The following OSBPL3 variants were observed in gnomAD, a reference collection of about 807,000 sequenced individuals.
OSBPL3 encodes the protein oxysterol-binding protein-related protein 3.
Under a neutral mutation model 120.1 loss-of-function variants are expected in OSBPL3, and 65 were observed. The ratio of observed to expected loss-of-function variants is 0.54; its 90% confidence interval spans 0.44 to 0.67. The LOEUF (loss-of-function observed/expected upper bound fraction) is 0.67. OSBPL3 is among the 30% of genes least tolerant of loss of function. OSBPL3 has a pLI of 0.00. For synonymous variants in OSBPL3, 416 were observed against 402.6 expected (o/e 1.03, Z -0.40); for missense variants, 1,004 against 1,082.1 (o/e 0.93, Z 1.01).
rs1799775098 is a variant in OSBPL3 at position 24,855,832 on chromosome 7, C to T, written c.1028-3198G>A. ...GAAGATTCAAATGAGTGCATCACAT[C>T]TATGGTTACCTGACAATAAATAAAG... On this transcript the variant is annotated intron_variant, in intron 10 of 22. Coordinates refer to ENST00000313367, the MANE Select transcript of OSBPL3 (RefSeq NM_015550.4). The surrounding 1 kb of genome is among the most constrained non-coding windows in gnomAD (Gnocchi z 4.3). 6.6e-6 allele frequency among the ~76,000 whole-genome samples: 1 copy of T among 152,178 alleles called. No homozygotes were observed. Among genetic ancestry groups the T allele is most frequent in the African/African-American group, 2.4e-5 (1 of 41,450 alleles).
chr7:24,978,275 T>C (rs1239409619), intron 1 of OSBPL3, among the ~76,000 whole-genome samples: 1 of 152,224 alleles, frequency 6.6e-6, no homozygotes, highest in Non-Finnish European at 1.5e-5. Context: ...AAAATCAAAA[T>C]CAGCTATGAA....
chr7:24,967,988 C>T lies in OSBPL3; in HGVS notation c.-150+11898G>A, dbSNP rs1584757375. 6.6e-6 allele frequency among the ~76,000 whole-genome samples: 1 copy of T among 152,224 alleles called. No individual in the cohort carries two copies. The highest frequency in any genetic ancestry group is 2.1e-4 in the South Asian group (1 of 4,830). On this transcript the variant is annotated intron_variant, in intron 1 of 22. Coordinates refer to ENST00000313367, the MANE Select transcript of OSBPL3 (RefSeq NM_015550.4). The surrounding 1 kb of genome is among the most constrained non-coding windows in gnomAD (Gnocchi z 5.6). ...AATGGCACCATAAATAACACAGTCACATACGCCTGAAACTCTGCAGTTACT... is the reference window on the plus strand; with the variant it reads ...AATGGCACCATAAATAACACAGTCATATACGCCTGAAACTCTGCAGTTACT...
chr7:24,924,351 T>C (rs752119234), intron 1 of OSBPL3, among the ~76,000 whole-genome samples: 2 of 152,202 alleles, frequency 1.3e-5, no homozygotes, highest in Non-Finnish European at 2.9e-5. Flanking sequence ...TCTCTGTATT[T>C]TCAACATTTT....
chr7:24,980,144 G>A lies in OSBPL3; in HGVS notation c.-408C>T, dbSNP rs989093903. 13 of 675,794 alleles carry A rather than the reference G, an allele frequency of 1.9e-5. No homozygotes were observed. In the African/African-American group the frequency reaches 2.5e-4, roughly 13 times the overall value. The allele number at this position is 675,794 out of a possible 1,614,324, so 41.9% of individuals were successfully genotyped here. A position where few individuals can be genotyped will look rare whatever the true frequency, so the allele number is the denominator to read the frequency against. ...GCCGGCTGGCGGGCGCCACCAGCAC[G>A]CGGCCAGTTCTGAGTACTTTGCCCA... On this transcript the variant is annotated 5_prime_UTR_variant, in exon 1 of 23. Coordinates refer to ENST00000313367, the MANE Select transcript of OSBPL3 (RefSeq NM_015550.4).
chr7:24,812,723 T>G (rs1172211111), intron 19 of OSBPL3, among the ~76,000 whole-genome samples: 1 of 152,192 alleles, frequency 6.6e-6, no homozygotes, highest in Non-Finnish European at 1.5e-5. Flanking sequence ...GGTCAGATTC[T>G]GGTAGTTCAG....
intron 2 of OSBPL3, among the ~76,000 whole-genome samples, chr7:24,880,978 C>T (rs1296757029): frequency 1.3e-5 from 2 of 152,224 alleles, no homozygotes; most frequent in Non-Finnish European, 2.9e-5. Flanking sequence ...AAGAGAATCA[C>T]AGACTCTGCA....
rs377448047 is a variant in OSBPL3, at chr7:24,916,926, C to CCG, written c.-149-24306_-149-24305insCG. Among the ~76,000 whole-genome samples, 1 of 151,648 alleles carries CCG rather than the reference C, an allele frequency of 6.6e-6. No homozygotes were observed. The highest frequency in any genetic ancestry group is 2.1e-4 in the South Asian group (1 of 4,788). On this transcript the variant is annotated intron_variant, in intron 1 of 22. Coordinates refer to ENST00000313367, the MANE Select transcript of OSBPL3 (RefSeq NM_015550.4). The surrounding 1 kb of genome is among the most constrained non-coding windows in gnomAD (Gnocchi z 4.9). ...AGACGTCTTCCATTTCCACCCCCCC[C>CCG]AACCTTTTTAGAAAATTAAATAAAT...
At chr7:24,814,284 G>C (rs1051108717) in intron 19 of OSBPL3, among the ~76,000 whole-genome samples, 1 of 60,062 alleles carries the variant, frequency 1.7e-5, no homozygotes, top group Non-Finnish European at 2.6e-5. Flanking sequence ...GAACGAGGTG[G>C]CGTGTGTGTA....
At chr7:24,878,551 AAT>A (rs1803180826) in intron 2 of OSBPL3, among the ~76,000 whole-genome samples, 1 of 152,186 alleles carries the variant, frequency 6.6e-6, no homozygotes, top group South Asian at 2.1e-4. Context: ...AATACTTGTC[AAT>A]AGATTTTCAA....
intron 12 of OSBPL3, among the ~76,000 whole-genome samples, chr7:24,843,813 CA>C: frequency 6.6e-6 from 1 of 152,272 alleles, no homozygotes; most frequent in Non-Finnish European, 1.5e-5. Context: ...TCTCTCTCCT[CA>C]AAAGAGCCAG....
At position 24,842,509 on chromosome 7, in the gene OSBPL3, G is replaced by A; in HGVS notation, c.1267-96C>T. ...AGTTGTACAATACACAAGGTCACAG[G>A]CCCATGCAAATAAGCAACTCAAAGC... is the stretch of plus-strand genomic sequence containing the variant. On this transcript the variant is annotated intron_variant, in intron 12 of 22. Coordinates refer to ENST00000313367, the MANE Select transcript of OSBPL3 (RefSeq NM_015550.4). The A allele has an allele frequency of 4.3e-6, 4 of 934,860 alleles. No individual in the cohort carries two copies. In the South Asian group the frequency reaches 6.6e-5, roughly 15 times the overall value. 57.9% of individuals were successfully genotyped at this position (934,860 alleles called of 1,614,324 possible). A position where few individuals can be genotyped will look rare whatever the true frequency, so the allele number is the denominator to read the frequency against.
rs190956314 is a variant in OSBPL3 at position 24,940,876 on chromosome 7, C to G, written c.-150+39010G>C. On this transcript the variant is annotated intron_variant, in intron 1 of 22. Transcript: ENST00000313367. The surrounding 1 kb of genome is among the most constrained non-coding windows in gnomAD (Gnocchi z 4.4). The stretch of plus-strand genomic sequence containing the variant: ...GCTCTGTCGCCCAGGCTGGAGTGCA[C>G]TGGCGCGATCTCGGCTCACTGCAAG... 9.7e-3 allele frequency among the ~76,000 whole-genome samples: 1,464 copies of G among 151,148 alleles called. 27 individuals are homozygous for G. The highest frequency in any genetic ancestry group is 0.032 in the African/African-American group (1,330 of 41,114).
intron 14 of OSBPL3, among the ~76,000 whole-genome samples, chr7:24,840,436 T>G (rs2128198744): frequency 6.6e-6 from 1 of 152,296 alleles, no homozygotes; most frequent in East Asian, 1.9e-4. Context: ...TCTAATGATT[T>G]TTTTAATAAA....
rs571920948 is a variant in OSBPL3 at position 24,917,733 on chromosome 7, T to C, written c.-149-25112A>G. Among the ~76,000 whole-genome samples the C allele has an allele frequency of 1.8e-4, 28 of 152,232 alleles. No homozygotes were observed. In the South Asian group the frequency reaches 5.8e-3, roughly 32 times the overall value. The stretch of plus-strand genomic sequence containing the variant: ...AGTACTAGTCCCAGAAGGCTCTCTG[T>C]GGGCTAGGGGGAGACTCCAGAGACT... On this transcript the variant is annotated intron_variant, in intron 1 of 22. Coordinates refer to ENST00000313367, the MANE Select transcript of OSBPL3 (RefSeq NM_015550.4).
chr7:24,857,968 G>A (rs1176308041), intron 10 of OSBPL3, among the ~76,000 whole-genome samples: 4 of 152,102 alleles, frequency 2.6e-5, no homozygotes, highest in Non-Finnish European at 5.9e-5. Context: ...CATATTTTGG[G>A]AAATGTAAAA....
Position 24,862,320 on chromosome 7 carries a change from A to G in OSBPL3, c.871-551T>C, listed in dbSNP as rs993407079. 3.3e-5 allele frequency among the ~76,000 whole-genome samples: 5 copies of G among 152,256 alleles called. No homozygotes were observed. Among genetic ancestry groups the G allele is most frequent in the African/African-American group, 1.2e-4 (5 of 41,468 alleles). ...ATATTCTTTTGGAAATGATAGAAGC[A>G]TTAAAGCTATAGGTTGAAAATGACA... On this transcript the variant is annotated intron_variant, in intron 9 of 22. Coordinates refer to ENST00000313367, the MANE Select transcript of OSBPL3 (RefSeq NM_015550.4). The surrounding 1 kb of genome is among the most constrained non-coding windows in gnomAD (Gnocchi z 4.4).
At position 24,918,108 on chromosome 7, in the gene OSBPL3, T is replaced by C; in HGVS notation, c.-149-25487A>G. 6.1e-6 allele frequency: 6 copies of C among 983,800 alleles called. No homozygotes were observed. The highest frequency in any genetic ancestry group is 7.2e-6 in the Non-Finnish European group (6 of 828,450). The allele number at this position is 983,800 out of a possible 1,614,324, so 60.9% of individuals were successfully genotyped here. A position where few individuals can be genotyped will look rare whatever the true frequency, so the allele number is the denominator to read the frequency against. On this transcript the variant is annotated intron_variant, in intron 1 of 22. Coordinates refer to ENST00000313367, the MANE Select transcript of OSBPL3 (RefSeq NM_015550.4). The surrounding 1 kb of genome is among the most constrained non-coding windows in gnomAD (Gnocchi z 4.3). The stretch of plus-strand genomic sequence containing the variant: ...CAAGCACAGGTGCTGTTTCTCAGTG[T>C]GTATCAGGCTCACAGCAGCCAGTAA...
chr7:24,935,606 G>C (rs1379913829), intron 1 of OSBPL3, among the ~76,000 whole-genome samples: 1 of 152,024 alleles, frequency 6.6e-6, no homozygotes, highest in Non-Finnish European at 1.5e-5. Context: ...TATAAAGTAT[G>C]CTTATATCTA....
Position 24,939,974 on chromosome 7 carries a change from G to A in OSBPL3, c.-150+39912C>T, listed in dbSNP as rs766490098. ...CCTATGTAACAAACCTGCATGTTCT[G>A]CACATGTATCCCAGAACTAAAAGAA... On this transcript the variant is annotated intron_variant, in intron 1 of 22. Coordinates refer to ENST00000313367, the MANE Select transcript of OSBPL3 (RefSeq NM_015550.4). This position sits in a 1 kb window ranked among gnomAD's most constrained non-coding sequence, Gnocchi z 4.2. 2.0e-5 allele frequency among the ~76,000 whole-genome samples: 3 copies of A among 152,090 alleles called. No homozygotes were observed. The highest frequency in any genetic ancestry group is 4.4e-5 in the Non-Finnish European group (3 of 68,028).
Sources: allele counts gnomAD v4.1 joint callset (sites outside exome capture counted in the v4.1 genomes callset), GRCh38; gene constraint gnomAD v4.1.1; non-coding constraint Gnocchi (gnomAD v3.1); transcripts MANE v1.5; gene names NCBI Gene and HGNC (gene_info 2026-07-23, HGNC 2026-07-21).